Variants in SPIDR observed in about 807,000 individuals in gnomAD.
SPIDR encodes DNA repair-scaffolding protein.
A neutral mutation model predicts 104.6 loss-of-function variants in SPIDR; 93 were observed. The observed-to-expected ratio is 0.89, with a 90% confidence interval of 0.75 to 1.06. The LOEUF (loss-of-function observed/expected upper bound fraction) is 1.06, where lower values mean the gene tolerates loss of function less well. Among genes scored for constraint, SPIDR ranks in the 50% least tolerant of loss-of-function variants. The pLI is 0.00. For missense variants in SPIDR, 1,154 were observed against 1,111.2 expected (o/e 1.04, Z -0.55); for synonymous variants, 431 against 416.9 (o/e 1.03, Z -0.41).
rs538874329 is a variant in SPIDR, at chr8:47,544,500, A to G, written c.1098-51311A>G. On this transcript the variant is annotated intron_variant, in intron 8 of 19. Transcript: ENST00000297423. ...CATTTTGTATTTAACTCTATGATCTATTTTGAGTTACTTTTCATATAAGGT... is the reference window on the plus strand; with the variant it reads ...CATTTTGTATTTAACTCTATGATCTGTTTTGAGTTACTTTTCATATAAGGT... Among the ~76,000 whole-genome samples, 4 of 152,248 alleles carry G rather than the reference A, an allele frequency of 2.6e-5. No individual in the cohort carries two copies. The South Asian group carries it at 8.3e-4, about 32-fold the overall frequency.
intron 11 of SPIDR, among the ~76,000 whole-genome samples, chr8:47,681,534 A>G (rs1293418721): frequency 6.6e-6 from 1 of 152,172 alleles, no homozygotes; most frequent in Non-Finnish European, 1.5e-5. Flanking sequence ...ACTGACAATT[A>G]TTTTTACTAG....
At chr8:47,458,121 A>G in intron 8 of SPIDR, among the ~76,000 whole-genome samples, 1 of 152,068 alleles carries the variant, frequency 6.6e-6, no homozygotes, top group East Asian at 1.9e-4. Context: ...TCTGTGAAGA[A>G]TGATGGTGGT....
rs1260601956 is a variant in SPIDR, at chr8:47,316,439, C to T, written c.525+22409C>T. On this transcript the variant is annotated intron_variant, in intron 5 of 19. Transcript: ENST00000297423. ...TTGTTCAAAAGTGTTTATAATAGGC[C>T]GAAACTGGACACAGCTCATATACCC... Among the ~76,000 whole-genome samples the T allele has an allele frequency of 3.3e-5, 5 of 152,058 alleles. No individual in the cohort carries two copies. In the East Asian group the frequency reaches 9.7e-4, roughly 29 times the overall value.
chr8:47,326,590 A>G (rs1245494467), intron 5 of SPIDR, among the ~76,000 whole-genome samples: 3 of 152,226 alleles, frequency 2.0e-5, no homozygotes, highest in Admixed American at 6.5e-5. Context: ...AGGAGACACT[A>G]TACTATTAAG....
chr8:47,376,874 C>T (rs1223533585), intron 5 of SPIDR, among the ~76,000 whole-genome samples: 1 of 152,104 alleles, frequency 6.6e-6, no homozygotes, highest in East Asian at 1.9e-4. Context: ...GGTTGGCAAA[C>T]TATAGCTTAC....
chr8:47,588,761 T>C (rs2060607537), intron 8 of SPIDR, among the ~76,000 whole-genome samples: 1 of 152,180 alleles, frequency 6.6e-6, no homozygotes, highest in Admixed American at 6.5e-5. Flanking sequence ...TTCAGAGGTT[T>C]TTTAAAATTA....
chr8:47,502,369 G>C (rs1039007395), intron 8 of SPIDR, among the ~76,000 whole-genome samples: 1 of 152,166 alleles, frequency 6.6e-6, no homozygotes. Context: ...TTAGTCTTGG[G>C]AGGGTGTATG....
chr8:47,370,684 T>C (rs959617054), intron 5 of SPIDR, among the ~76,000 whole-genome samples: 17 of 151,784 alleles, frequency 1.1e-4, no homozygotes, highest in African/African-American at 4.1e-4. Flanking sequence ...ACTCCTGACC[T>C]TGGGATCCAC....
At chr8:47,635,189 C>G (rs1588647422) in intron 10 of SPIDR, among the ~76,000 whole-genome samples, 1 of 151,512 alleles carries the variant, frequency 6.6e-6, no homozygotes, top group East Asian at 1.9e-4. Flanking sequence ...AAAAAAAATA[C>G]AAAAATTAGC....
At chr8:47,275,862 G>T (rs1465191354) in intron 1 of SPIDR, among the ~76,000 whole-genome samples, 2 of 151,726 alleles carry the variant, frequency 1.3e-5, no homozygotes, top group African/African-American at 4.8e-5. Flanking sequence ...TTTGTTTTTT[G>T]TTGGTTTGTT....
At chr8:47,442,528 G>A (rs373686507) in intron 8 of SPIDR, among the ~76,000 whole-genome samples, 4 of 152,100 alleles carry the variant, frequency 2.6e-5, no homozygotes, top group African/African-American at 4.8e-5. Flanking sequence ...TCCCCTCTCC[G>A]TGTTCATGGA....
intron 16 of SPIDR, among the ~76,000 whole-genome samples, chr8:47,720,814 G>A (rs1173548589): frequency 6.6e-6 from 1 of 151,868 alleles, no homozygotes; most frequent in Admixed American, 6.6e-5. Context: ...CTGGAGTGCA[G>A]TGGTGCAGTC....
At position 47,435,436 on chromosome 8, in the gene SPIDR, ATGT is replaced by A. The variant is rs377531416; in HGVS notation, c.878-4882_878-4880del. On this transcript the variant is annotated intron_variant, in intron 7 of 19. Transcript: ENST00000297423. Reference sequence around the variant, plus strand: ...ACGAATTCATGCAGTTATTCAGCAAATGTTGTTATTCTTGAAGTTGAATACTGT... The same window carrying A: ...ACGAATTCATGCAGTTATTCAGCAAATGTTATTCTTGAAGTTGAATACTGT... Among the ~76,000 whole-genome samples the A allele has an allele frequency of 3.3e-3, 496 of 152,264 alleles. 2 individuals carry two copies. Among genetic ancestry groups the A allele is most frequent in the African/African-American group, 8.6e-3 (356 of 41,540 alleles).
At chr8:47,618,208 T>C (rs993767206) in intron 10 of SPIDR, among the ~76,000 whole-genome samples, 1 of 152,150 alleles carries the variant, frequency 6.6e-6, no homozygotes, top group Non-Finnish European at 1.5e-5. Flanking sequence ...TTAAGTAATA[T>C]AATCTCATTC....
chr8:47,403,504 A>G (rs1163951251), intron 6 of SPIDR, among the ~76,000 whole-genome samples: 2 of 152,260 alleles, frequency 1.3e-5, no homozygotes, highest in African/African-American at 4.8e-5. Flanking sequence ...AAATTCAGCA[A>G]AGTCTTGGGA....
At chr8:47,469,162 G>A (rs1352369853) in intron 8 of SPIDR, among the ~76,000 whole-genome samples, 1 of 152,122 alleles carries the variant, frequency 6.6e-6, no homozygotes, top group Non-Finnish European at 1.5e-5. Flanking sequence ...ACACCAATTA[G>A]AATGGCTATT....
At chr8:47,488,612 G>A (rs1326525378) in intron 8 of SPIDR, among the ~76,000 whole-genome samples, 1 of 152,064 alleles carries the variant, frequency 6.6e-6, no homozygotes, top group Non-Finnish European at 1.5e-5. Context: ...GTAAAATACT[G>A]GCAAACCGAA....
chr8:47,722,353 A>G (rs999165492), intron 16 of SPIDR, among the ~76,000 whole-genome samples: 3 of 152,024 alleles, frequency 2.0e-5, no homozygotes, highest in African/African-American at 7.2e-5. Flanking sequence ...TGTATCTTTT[A>G]TTTTATTTTC....
chr8:47,313,524 G>T (rs1554587123), intron 5 of SPIDR, among the ~76,000 whole-genome samples: 1 of 152,154 alleles, frequency 6.6e-6, no homozygotes, highest in African/African-American at 2.4e-5. Context: ...TCCCCATCAA[G>T]CTACCAATGA....
Sources: gnomAD v4.1 joint callset for allele counts (sites outside exome capture counted in the v4.1 genomes callset) on GRCh38, gnomAD v4.1.1 for gene constraint, MANE v1.5 for transcripts, NCBI Gene and HGNC (gene_info 2026-07-23, HGNC 2026-07-21) for gene names.